FHIT: variants seen among roughly 807,000 people sequenced by gnomAD.
FHIT encodes the protein fragile histidine triad diadenosine triphosphatase, also known as bis(5'-adenosyl)-triphosphatase.
A neutral mutation model predicts 17.9 loss-of-function variants in FHIT; 19 were observed. The observed-to-expected ratio is 1.06, with a 90% CI of 0.74 to 1.56. The LOEUF is 1.56. Among genes scored for constraint, FHIT ranks in the 40% most tolerant of loss-of-function variants. FHIT has a pLI of 0.00. For missense variants in FHIT, 248 were observed against 189.2 expected (o/e 1.31, Z -1.82); for synonymous variants, 81 against 69.7 (o/e 1.16, Z -0.81).
At chr3:60,892,496 A>C (rs1466491171) in intron 3 of FHIT, among the ~76,000 whole-genome samples, 1 of 152,190 alleles carries the variant, frequency 6.6e-6, no homozygotes, top group African/African-American at 2.4e-5. Flanking sequence ...ATTAGAGTGT[A>C]TATTAGAGTG....
At chr3:60,675,687 A>T (rs2040607603) in intron 4 of FHIT, among the ~76,000 whole-genome samples, 1 of 151,976 alleles carries the variant, frequency 6.6e-6, no homozygotes, top group Admixed American at 6.6e-5. Context: ...TCTATGATAG[A>T]CTCTGACCTC....
At chr3:60,123,872 A>AAG (rs1705369462) in intron 5 of FHIT, among the ~76,000 whole-genome samples, 1 of 140,180 alleles carries the variant, frequency 7.1e-6, no homozygotes, top group Admixed American at 7.4e-5. Context: ...TCAACCTGGA[A>AAG]TGAGACACTT....
At chr3:61,186,408 A>T (rs1047408021) in intron 2 of FHIT, among the ~76,000 whole-genome samples, 2 of 152,136 alleles carry the variant, frequency 1.3e-5, no homozygotes, top group African/African-American at 4.8e-5. Flanking sequence ...CCTACATCAA[A>T]CCATTCAGAT....
intron 2 of FHIT, among the ~76,000 whole-genome samples, chr3:61,142,767 T>A (rs1008542175): frequency 6.6e-6 from 1 of 152,216 alleles, no homozygotes; most frequent in Non-Finnish European, 1.5e-5. Flanking sequence ...AATTCAAACA[T>A]ATCAAGAGTA....
intron 3 of FHIT, among the ~76,000 whole-genome samples, chr3:60,852,393 G>C (rs1703189732): frequency 6.6e-6 from 1 of 152,004 alleles, no homozygotes. Context: ...TATACATATG[G>C]ATACACACAT....
chr3:60,793,925 G>C (rs1553729398), intron 4 of FHIT, among the ~76,000 whole-genome samples: 2 of 152,140 alleles, frequency 1.3e-5, no homozygotes, highest in Non-Finnish European at 2.9e-5. Context: ...CAGAAGCTGG[G>C]GCAGGGCTCA....
chr3:59,832,812 TC>T (rs1413275002), intron 8 of FHIT, among the ~76,000 whole-genome samples: 2 of 152,182 alleles, frequency 1.3e-5, no homozygotes, highest in Non-Finnish European at 2.9e-5. Flanking sequence ...GGGGCTATCT[TC>T]CCTATCATTG....
chr3:60,965,624 A>C (rs906770601), intron 3 of FHIT, among the ~76,000 whole-genome samples: 10 of 152,108 alleles, frequency 6.6e-5, no homozygotes, highest in African/African-American at 1.9e-4. Flanking sequence ...TTTGGTGTGG[A>C]TGTCCTTTCT....
At chr3:60,292,139 G>T (rs1184979051) in intron 5 of FHIT, among the ~76,000 whole-genome samples, 1 of 152,064 alleles carries the variant, frequency 6.6e-6, no homozygotes, top group Non-Finnish European at 1.5e-5. Context: ...CTGTTATTGA[G>T]CTCAAGGTAG....
At chr3:60,821,261 G>T (rs2594143) in intron 4 of FHIT, among the ~76,000 whole-genome samples, 1 of 151,318 alleles carries the variant, frequency 6.6e-6, no homozygotes, top group Non-Finnish European at 1.5e-5. Flanking sequence ...CAGGCCCTTT[G>T]CTGCTATTTT....
intron 3 of FHIT, among the ~76,000 whole-genome samples, chr3:60,889,854 T>C (rs141646778): frequency 9.2e-4 from 140 of 152,218 alleles, no homozygotes; most frequent in African/African-American, 3.3e-3. Context: ...GACAAAAAGG[T>C]AAACAGAATG....
At chr3:60,131,010 T>C (rs1266743235) in intron 5 of FHIT, among the ~76,000 whole-genome samples, 1 of 109,732 alleles carries the variant, frequency 9.1e-6, no homozygotes, top group Non-Finnish European at 2.0e-5. Flanking sequence ...TACATATGTG[T>C]ATATATACAC....
intron 4 of FHIT, among the ~76,000 whole-genome samples, chr3:60,686,908 G>A (rs2040873524): frequency 6.6e-6 from 1 of 152,136 alleles, no homozygotes; most frequent in South Asian, 2.1e-4. Context: ...AACCCCCTTC[G>A]AGAATCTTGC....
intron 5 of FHIT, among the ~76,000 whole-genome samples, chr3:60,408,384 T>C (rs1349535951): frequency 6.6e-6 from 1 of 152,082 alleles, no homozygotes. Context: ...CGGCATCCAC[T>C]AGGACAACTA....
At chr3:60,834,103 G>T (rs781941038) in intron 3 of FHIT, among the ~76,000 whole-genome samples, 1 of 152,160 alleles carries the variant, frequency 6.6e-6, no homozygotes, top group Non-Finnish European at 1.5e-5. Flanking sequence ...TCATGTATGG[G>T]CTTTGGTGTG....
intron 4 of FHIT, among the ~76,000 whole-genome samples, chr3:60,562,381 T>C (rs754416796): frequency 3.9e-5 from 6 of 152,086 alleles, no homozygotes; most frequent in Admixed American, 1.3e-4. Flanking sequence ...GAGTGAGTGA[T>C]GGAGTGGCAG....
rs1232678634 is a variant in FHIT at position 61,119,210 on chromosome 3, T to C, written c.-163-77111A>G. On this transcript the variant is annotated intron_variant, in intron 2 of 9. Transcript: ENST00000492590. Reference sequence around the variant, plus strand: ...ATTCATAAGAGCTTAGCTTCATAGATACTGTGATAGTAATTTTTTTTTTTT... The same window carrying C: ...ATTCATAAGAGCTTAGCTTCATAGACACTGTGATAGTAATTTTTTTTTTTT... Among the ~76,000 whole-genome samples the C allele has an allele frequency of 3.3e-5, 5 of 152,036 alleles. No individual in the cohort carries two copies. In the East Asian group the frequency reaches 9.6e-4, roughly 29 times the overall value.
chr3:60,859,376 A>C (rs1703520008), intron 3 of FHIT, among the ~76,000 whole-genome samples: 1 of 152,124 alleles, frequency 6.6e-6, no homozygotes, highest in African/African-American at 2.4e-5. Context: ...TGCTGTTTTC[A>C]GTTTTTCTAG....
intron 1 of FHIT, among the ~76,000 whole-genome samples, chr3:61,220,052 T>A (rs1452967110): frequency 6.9e-6 from 1 of 144,014 alleles, no homozygotes; most frequent in Non-Finnish European, 1.5e-5. Flanking sequence ...AATTGGTTAT[T>A]GACCTTTAAG....
Sources: gnomAD v4.1 joint callset for allele counts (sites outside exome capture counted in the v4.1 genomes callset) on GRCh38, gnomAD v4.1.1 for gene constraint, MANE v1.5 for transcripts, NCBI Gene and HGNC (gene_info 2026-07-23, HGNC 2026-07-21) for gene names.